NSD1: variants seen among roughly 807,000 people sequenced by gnomAD.
NSD1 encodes the protein nuclear receptor binding SET domain protein 1.
A neutral mutation model predicts 242.7 loss-of-function variants in NSD1; 26 were observed. That is an observed-to-expected ratio of 0.11 (90% CI 0.08 to 0.15). The LOEUF (loss-of-function observed/expected upper bound fraction) is 0.15. Ranked by LOEUF, NSD1 falls within the 10% of genes least tolerant of loss-of-function variation. The pLI is 1.00. For synonymous variants in NSD1, 1,106 were observed against 1,178.1 expected (o/e 0.94, Z 1.25); for missense variants, 2,495 against 3,272.8 (o/e 0.76, Z 5.80).
At chr5:177,230,580 C>T (rs1259943604) in intron 5 of NSD1, among the ~76,000 whole-genome samples, 1 of 152,032 alleles carries the variant, frequency 6.6e-6, no homozygotes, top group African/African-American at 2.4e-5. Context: ...AATCCCAGCA[C>T]TTTGGAAGGC....
chr5:177,218,198 C>G (rs1562221996), intron 5 of NSD1, among the ~76,000 whole-genome samples: 1 of 152,122 alleles, frequency 6.6e-6, no homozygotes, highest in Non-Finnish European at 1.5e-5. Flanking sequence ...CAGGTGTGCA[C>G]CATGACACCT....
chr5:177,241,236 C>T (rs574834347), intron 8 of NSD1, among the ~76,000 whole-genome samples: 1 of 151,998 alleles, frequency 6.6e-6, no homozygotes, highest in Non-Finnish European at 1.5e-5. Flanking sequence ...GTGGCTCACA[C>T]CTGTAATCCC....
intron 2 of NSD1, among the ~76,000 whole-genome samples, chr5:177,167,611 G>A (rs1476255386): frequency 6.6e-6 from 1 of 151,602 alleles, no homozygotes; most frequent in Non-Finnish European, 1.5e-5. Flanking sequence ...ATTTCTACTC[G>A]TAGGCTACTA....
At chr5:177,158,293 C>CTTTCTTTCTTTCTTTCTTTCT (rs1758350204) in intron 2 of NSD1, among the ~76,000 whole-genome samples, 42 of 77,718 alleles carry the variant, frequency 5.4e-4, no homozygotes, top group East Asian at 2.2e-3. Context: ...TTCTTTCTTT[C>CTTTCTTTCTTTCTTTCTTTCT]TTTCTTTCTT....
intron 2 of NSD1, chr5:177,137,086 A>G (rs1288193337): frequency 2.4e-6 from 1 of 413,458 alleles, no homozygotes; most frequent in Non-Finnish European, 4.3e-6. Context: ...GTGATAAATG[A>G]TAACATTTGT....
chr5:177,170,405 C>CA (rs1429604298), intron 2 of NSD1, among the ~76,000 whole-genome samples: 1 of 151,406 alleles, frequency 6.6e-6, no homozygotes, highest in East Asian at 1.9e-4. Context: ...GGCTGGAGTG[C>CA]AGTGGCGTGA....
chr5:177,147,132 G>A (rs1439247019), intron 2 of NSD1, among the ~76,000 whole-genome samples: 2 of 152,062 alleles, frequency 1.3e-5, no homozygotes, highest in Non-Finnish European at 2.9e-5. Flanking sequence ...ATGTGACAGC[G>A]TCTTGCTCTG....
chr5:177,170,320 C>A (rs1002949353), intron 2 of NSD1, among the ~76,000 whole-genome samples: 35 of 150,410 alleles, frequency 2.3e-4, no homozygotes, highest in Admixed American at 8.0e-4. Flanking sequence ...AGTCAGTACC[C>A]TTTTTGTTTT....
At chr5:177,244,615 C>T (rs946247279) in intron 9 of NSD1, among the ~76,000 whole-genome samples, 27 of 152,174 alleles carry the variant, frequency 1.8e-4, no homozygotes, top group Non-Finnish European at 4.4e-5. Context: ...GGTCATACTC[C>T]TGTCTTCTTA....
At chr5:177,215,787 C>G (rs746450756) in intron 5 of NSD1, among the ~76,000 whole-genome samples, 65 of 152,206 alleles carry the variant, frequency 4.3e-4, no homozygotes, top group Admixed American at 5.9e-4. Flanking sequence ...GCCACCGCAC[C>G]CGGCCTACTT....
chr5:177,265,139 A>G, intron 14 of NSD1: 5 of 758,816 alleles, frequency 6.6e-6, no homozygotes, highest in South Asian at 5.4e-5. Context: ...CCTGGGTTCA[A>G]CTGAAGCACT....
chr5:177,221,730 A>G (rs750700529), intron 5 of NSD1, among the ~76,000 whole-genome samples: 12 of 151,848 alleles, frequency 7.9e-5, no homozygotes, highest in Non-Finnish European at 1.8e-4. Context: ...TAGCTTCCCA[A>G]AGTGCTGGGA....
chr5:177,170,252 G>T (rs1386891773), intron 2 of NSD1, among the ~76,000 whole-genome samples: 1 of 152,060 alleles, frequency 6.6e-6, no homozygotes, highest in Non-Finnish European at 1.5e-5. Flanking sequence ...GATTACAGGT[G>T]TGAGCCACCG....
intron 2 of NSD1, among the ~76,000 whole-genome samples, chr5:177,188,844 T>A (rs180921237): frequency 0.051 from 7,634 of 150,312 alleles, 204 homozygotes; most frequent in Non-Finnish European, 0.057. Flanking sequence ...TTTGTCATTT[T>A]AAAAAAAAAA....
chr5:177,200,896 TG>T (rs1220786981), intron 3 of NSD1, among the ~76,000 whole-genome samples: 6 of 151,610 alleles, frequency 4.0e-5, no homozygotes, highest in Non-Finnish European at 8.8e-5. Flanking sequence ...CTGGTGTTTT[TG>T]TATTTTTTTT....
chr5:177,208,163 T>G (rs1763047524), intron 4 of NSD1, among the ~76,000 whole-genome samples: 1 of 152,192 alleles, frequency 6.6e-6, no homozygotes, highest in African/African-American at 2.4e-5. Context: ...TAATACCTAT[T>G]GTATGGAGGT....
rs886042263 is a variant in NSD1 at position 177,204,301 on chromosome 5, C to T, written c.1236+9C>T. The T allele has an allele frequency of 1.4e-5, 22 of 1,611,822 alleles. No individual in the cohort carries two copies. Among genetic ancestry groups the T allele is most frequent in the East Asian group, 8.9e-5 (4 of 44,860 alleles). On this transcript the variant is annotated intron_variant, in intron 4 of 22. Transcript: ENST00000439151. ...AAGGATATAGGCATAAGGTAGGAAA[C>T]GAAAAAGGCTTTTTATTGAGTGACA...
At chr5:177,229,610 G>T (rs1764897623) in intron 5 of NSD1, among the ~76,000 whole-genome samples, 1 of 152,138 alleles carries the variant, frequency 6.6e-6, no homozygotes, top group South Asian at 2.1e-4. Flanking sequence ...TCTGTAGTAA[G>T]AGTAGGTGAA....
chr5:177,247,552 C>T (rs986970197), intron 10 of NSD1, among the ~76,000 whole-genome samples: 3 of 149,060 alleles, frequency 2.0e-5, no homozygotes, highest in Non-Finnish European at 4.4e-5. Context: ...TACAGTGAGA[C>T]CTTGTCTCTA....
Sources: allele counts gnomAD v4.1 joint callset (sites outside exome capture counted in the v4.1 genomes callset), GRCh38; gene constraint gnomAD v4.1.1; transcripts MANE v1.5; gene names NCBI Gene and HGNC (gene_info 2026-07-23, HGNC 2026-07-21).